The following CEP112 variants were observed in gnomAD, a reference collection of about 807,000 sequenced individuals.
The protein encoded by CEP112 is centrosomal protein of 112 kDa.
Under a neutral mutation model 153.0 loss-of-function variants are expected in CEP112, and 127 were observed. The observed-to-expected ratio is 0.83, with a 90% confidence interval of 0.72 to 0.96. The LOEUF (loss-of-function observed/expected upper bound fraction) is 0.96, where lower values mean the gene tolerates loss of function less well. CEP112 is among the 40% of genes least tolerant of loss of function. The pLI is 0.00. For synonymous variants in CEP112, 358 were observed against 374.4 expected (o/e 0.96, Z 0.51); for missense variants, 1,089 against 1,101.2 (o/e 0.99, Z 0.16).
chr17:65,718,477 C>G (rs979259215), intron 23 of CEP112, among the ~76,000 whole-genome samples: 3 of 151,926 alleles, frequency 2.0e-5, no homozygotes, highest in Admixed American at 2.0e-4. Context: ...TGCAAAGTAC[C>G]TCCTTCAACT....
intron 17 of CEP112, among the ~76,000 whole-genome samples, chr17:65,993,952 TC>T (rs1404131412): frequency 4.6e-5 from 7 of 151,804 alleles, no homozygotes; most frequent in African/African-American, 1.7e-4. Context: ...ATGTTATACT[TC>T]AGTAGAAAGT....
intron 20 of CEP112, among the ~76,000 whole-genome samples, chr17:65,889,128 T>C (rs950824283): frequency 3.3e-5 from 5 of 152,158 alleles, no homozygotes; most frequent in African/African-American, 1.2e-4. Context: ...GGGTGTTGTA[T>C]TGATCCTCCC....
chr17:66,053,265 G>A (rs980385928), intron 12 of CEP112, among the ~76,000 whole-genome samples: 5 of 148,958 alleles, frequency 3.4e-5, no homozygotes, highest in African/African-American at 1.3e-4. Flanking sequence ...ACTTTGGGAG[G>A]CCAAGGAGGG....
intron 24 of CEP112, among the ~76,000 whole-genome samples, chr17:65,662,673 G>A (rs1307491967): frequency 6.6e-6 from 1 of 152,122 alleles, no homozygotes; most frequent in Non-Finnish European, 1.5e-5. Flanking sequence ...TATCCTCATT[G>A]GGCCAGCTTT....
At chr17:66,037,464 C>T (rs1023000954) in intron 12 of CEP112, among the ~76,000 whole-genome samples, 4 of 152,134 alleles carry the variant, frequency 2.6e-5, no homozygotes, top group African/African-American at 9.7e-5. Flanking sequence ...TTTCAAACTA[C>T]ATTGAACAAT....
In CEP112 at chr17:66,083,889, T is replaced by C. The variant is rs899033763; in HGVS notation, c.768+12362A>G. Among the ~76,000 whole-genome samples the C allele has an allele frequency of 5.3e-5, 8 of 152,176 alleles. 1 individual carries two copies. Among genetic ancestry groups the C allele is most frequent in the Admixed American group, 4.6e-4 (7 of 15,260 alleles). ...CAAAACAACAAAAAAAGAACTAACATAGATTACTATCAGTATTTACAGCAA... is the reference window on the plus strand; with the variant it reads ...CAAAACAACAAAAAAAGAACTAACACAGATTACTATCAGTATTTACAGCAA... On this transcript the variant is annotated intron_variant, in intron 8 of 26. Coordinates refer to ENST00000535342, the MANE Select transcript of CEP112 (RefSeq NM_001199165.4).
At chr17:65,787,359 T>C (rs1186435088) in intron 21 of CEP112, among the ~76,000 whole-genome samples, 2 of 152,162 alleles carry the variant, frequency 1.3e-5, no homozygotes, top group African/African-American at 2.4e-5. Context: ...GGTGTGCAAC[T>C]GTAGTCCCAG....
At chr17:65,804,737 T>C (rs528723147) in intron 21 of CEP112, among the ~76,000 whole-genome samples, 2 of 152,252 alleles carry the variant, frequency 1.3e-5, no homozygotes, top group Admixed American at 6.5e-5. Context: ...AAAATAAGCA[T>C]TGAAACTGGA....
At chr17:65,992,848 C>T (rs990104910) in intron 17 of CEP112, among the ~76,000 whole-genome samples, 31 of 152,280 alleles carry the variant, frequency 2.0e-4, no homozygotes, top group African/African-American at 7.0e-4. Flanking sequence ...TAACCTAGCT[C>T]TCCCTGTCTA....
At chr17:66,111,465 A>G (rs759531610) in intron 6 of CEP112, among the ~76,000 whole-genome samples, 57 of 152,332 alleles carry the variant, frequency 3.7e-4, no homozygotes, top group Non-Finnish European at 1.2e-4. Context: ...ATGCCCACCA[A>G]TGACGGATTG....
At chr17:66,002,396 G>T (rs1257763703) in intron 17 of CEP112, among the ~76,000 whole-genome samples, 2 of 152,078 alleles carry the variant, frequency 1.3e-5, no homozygotes, top group Admixed American at 6.5e-5. Flanking sequence ...GAGAATCAAA[G>T]AACTTGACAC....
At chr17:65,723,283 A>G (rs997948585) in intron 23 of CEP112, among the ~76,000 whole-genome samples, 17 of 152,250 alleles carry the variant, frequency 1.1e-4, no homozygotes, top group Non-Finnish European at 7.3e-5. Flanking sequence ...TGCTGACGCT[A>G]TTTTTAAAAA....
intron 21 of CEP112, among the ~76,000 whole-genome samples, chr17:65,770,481 G>A (rs1380960302): frequency 6.6e-6 from 1 of 152,046 alleles, no homozygotes; most frequent in Non-Finnish European, 1.5e-5. Flanking sequence ...CTACAAAAAA[G>A]GTTGAAATAA....
At chr17:65,869,579 CTTTTT>C (rs55675305) in intron 20 of CEP112, among the ~76,000 whole-genome samples, 1 of 120,244 alleles carries the variant, frequency 8.3e-6, no homozygotes, top group Non-Finnish European at 1.7e-5. Context: ...GATAAACTTT[CTTTTT>C]TTTTTTTTTT....
At chr17:66,116,883 T>TC (rs71293587) in intron 6 of CEP112, among the ~76,000 whole-genome samples, 6 of 149,732 alleles carry the variant, frequency 4.0e-5, no homozygotes, top group Admixed American at 4.0e-4. Flanking sequence ...TTTTTTTTTT[T>TC]CTGAGACGGA....
At chr17:65,977,254 C>G (rs2063071553) in intron 17 of CEP112, among the ~76,000 whole-genome samples, 1 of 152,130 alleles carries the variant, frequency 6.6e-6, no homozygotes, top group African/African-American at 2.4e-5. Flanking sequence ...AACTACTCGA[C>G]ACTTTAGCTT....
intron 18 of CEP112, among the ~76,000 whole-genome samples, chr17:65,936,930 C>T (rs1291054195): frequency 1.3e-5 from 2 of 151,258 alleles, no homozygotes; most frequent in Admixed American, 1.3e-4. Flanking sequence ...ATTCTCCTGC[C>T]TCAGCCTGCC....
intron 20 of CEP112, among the ~76,000 whole-genome samples, chr17:65,871,234 G>C (rs529598530): frequency 1.3e-5 from 2 of 152,122 alleles, no homozygotes; most frequent in African/African-American, 4.8e-5. Context: ...TGGCTGCCTC[G>C]GTCAGAATCA....
At chr17:65,829,782 G>A (rs545338375) in intron 21 of CEP112, among the ~76,000 whole-genome samples, 23 of 152,072 alleles carry the variant, frequency 1.5e-4, no homozygotes, top group South Asian at 4.2e-4. Flanking sequence ...AAGGTACATC[G>A]TTTACATAAA....
Sources: allele counts gnomAD v4.1 joint callset (sites outside exome capture counted in the v4.1 genomes callset), GRCh38; gene constraint gnomAD v4.1.1; transcripts MANE v1.5; gene names NCBI Gene and HGNC (gene_info 2026-07-23, HGNC 2026-07-21).